NCOR1: variants seen among roughly 807,000 people sequenced by gnomAD.
The protein encoded by NCOR1 is nuclear receptor corepressor 1, also known as protein phosphatase 1, regulatory subunit 109.
NCOR1 carries 63 observed loss-of-function variants against 288.1 expected under a neutral mutation model. The observed-to-expected ratio is 0.22, with a 90% confidence interval of 0.18 to 0.27. The LOEUF (loss-of-function observed/expected upper bound fraction) is 0.27, where lower values mean the gene tolerates loss of function less well. Among genes scored for constraint, NCOR1 ranks in the 10% least tolerant of loss-of-function variants. The probability of loss-of-function intolerance (pLI) is 1.00; values close to 1 mark genes in which losing one functional copy is unlikely to be tolerated. For synonymous variants in NCOR1, 1,007 were observed against 1,065.9 expected (o/e 0.94, Z 1.08); for missense variants, 2,397 against 3,019.2 (o/e 0.79, Z 4.83).
chr17:16,106,498 G>C (rs773729564), intron 19 of NCOR1, among the ~76,000 whole-genome samples: 2 of 151,920 alleles, frequency 1.3e-5, no homozygotes, highest in Non-Finnish European at 2.9e-5. Context: ...AAATTTTGGT[G>C]AAGTTTGGTC....
intron 27 of NCOR1, among the ~76,000 whole-genome samples, chr17:16,074,234 T>C (rs756863784): frequency 2.0e-5 from 3 of 151,874 alleles, no homozygotes; most frequent in East Asian, 3.9e-4. Context: ...AAAGCTAAGG[T>C]AGGGGTTTGC....
intron 3 of NCOR1, among the ~76,000 whole-genome samples, chr17:16,178,300 C>T (rs534415484): frequency 4.6e-5 from 7 of 151,800 alleles, no homozygotes; most frequent in Non-Finnish European, 7.4e-5. Flanking sequence ...GAGATTGAGA[C>T]CATCCTGACT....
intron 23 of NCOR1, 76 bp downstream of exon 23, chr17:16,086,206 C>T: frequency 7.1e-7 from 1 of 1,401,126 alleles, no homozygotes; most frequent in Non-Finnish European, 9.9e-7. Flanking sequence ...TCTGACAAAT[C>T]AGTGCGAGGA....
chr17:16,175,835 A>T (rs1237646225), intron 3 of NCOR1, among the ~76,000 whole-genome samples: 15 of 31,430 alleles, frequency 4.8e-4, no homozygotes, highest in Non-Finnish European at 9.9e-4. Flanking sequence ...TGTCTCTTTT[A>T]AAAAAAAAAA....
Position 16,030,335 on chromosome 17 carries a change from AC to A in NCOR1, c.*1960del, listed in dbSNP as rs1971811548. 4.5e-6 allele frequency: 1 copy of A among 223,160 alleles called. No individual in the cohort carries two copies. The allele number at this position is 223,160 out of a possible 1,614,324, so 13.8% of individuals were successfully genotyped here. On this transcript the variant is annotated 3_prime_UTR_variant, in exon 46 of 46. Coordinates refer to ENST00000268712, the MANE Select transcript of NCOR1 (RefSeq NM_006311.4). ...TGGAAGAAAATCCATGTATAAGTGG[AC>A]CCACACAGTTCAAACCCGTGTTGTT...
intron 3 of NCOR1, among the ~76,000 whole-genome samples, chr17:16,183,746 A>G (rs2086027055): frequency 6.6e-6 from 1 of 152,184 alleles, no homozygotes; most frequent in Non-Finnish European, 1.5e-5. Context: ...CAACCCTAAA[A>G]TTCACATGGA....
intron 18 of NCOR1, among the ~76,000 whole-genome samples, chr17:16,114,154 A>ACAC (rs1311522366): frequency 7.5e-6 from 1 of 133,522 alleles, no homozygotes; most frequent in African/African-American, 2.6e-5. Context: ...AAAAAAAAAA[A>ACAC]AAAAAAAAAA....
At chr17:16,055,665 G>A (rs1187921004) in intron 40 of NCOR1, among the ~76,000 whole-genome samples, 2 of 152,126 alleles carry the variant, frequency 1.3e-5, no homozygotes, top group African/African-American at 4.8e-5. Context: ...ATGTACTCCT[G>A]AACTTAAAAT....
intron 3 of NCOR1, among the ~76,000 whole-genome samples, chr17:16,178,412 T>C (rs1600012791): frequency 1.4e-5 from 2 of 148,116 alleles, no homozygotes; most frequent in East Asian, 2.0e-4. Flanking sequence ...GGCAGGAGAA[T>C]TGCTTGAACC....
At chr17:16,082,505 CA>C (rs2063552569) in intron 23 of NCOR1, among the ~76,000 whole-genome samples, 1 of 151,848 alleles carries the variant, frequency 6.6e-6, no homozygotes, top group Non-Finnish European at 1.5e-5. Context: ...CGCTTGAGGC[CA>C]AGAGTCTGAG....
At chr17:16,134,609 T>C (rs2076120390) in intron 14 of NCOR1, among the ~76,000 whole-genome samples, 7 of 152,074 alleles carry the variant, frequency 4.6e-5, no homozygotes, top group Admixed American at 3.3e-4. Context: ...TGAAACTGTG[T>C]CCCAGACAAC....
intron 1 of NCOR1, among the ~76,000 whole-genome samples, chr17:16,199,782 G>C (rs566761806): frequency 6.6e-6 from 1 of 152,246 alleles, no homozygotes; most frequent in South Asian, 2.1e-4. Flanking sequence ...AAATCTGATC[G>C]AGATTTTATA....
chr17:16,166,689 GAAAA>G lies in NCOR1; in HGVS notation c.436-1532_436-1529del, dbSNP rs144347379. Among the ~76,000 whole-genome samples, 4 of 148,126 alleles carry G rather than the reference GAAAA, an allele frequency of 2.7e-5. No individual in the cohort carries two copies. In the South Asian group the frequency reaches 8.6e-4, roughly 32 times the overall value. ...AGCAAGACTCCATCTCAAAAAAAAA[GAAAA>G]AAAAATCAGATTTGGTGTATAACCA... On this transcript the variant is annotated intron_variant, in intron 4 of 45. Coordinates refer to ENST00000268712, the MANE Select transcript of NCOR1 (RefSeq NM_006311.4).
intron 26 of NCOR1, among the ~76,000 whole-genome samples, chr17:16,077,134 C>T (rs1419009981): frequency 6.6e-6 from 1 of 152,092 alleles, no homozygotes; most frequent in Admixed American, 6.5e-5. Flanking sequence ...TGGTGGCTTG[C>T]GCCTGTAATC....
intron 42 of NCOR1, among the ~76,000 whole-genome samples, chr17:16,045,531 CAG>C (rs1339441530): frequency 5.3e-5 from 8 of 152,112 alleles, no homozygotes; most frequent in Non-Finnish European, 1.0e-4. Context: ...TTTTTTGAGA[CAG>C]AGACTCACTT....
At chr17:16,053,816 A>C (rs891211654) in intron 40 of NCOR1, among the ~76,000 whole-genome samples, 39 of 152,188 alleles carry the variant, frequency 2.6e-4, no homozygotes, top group African/African-American at 9.4e-4. Flanking sequence ...ACAGTAACCA[A>C]AACAGCATTG....
rs992205623 is a variant in NCOR1, at chr17:16,215,510, G to C, written c.-219C>G. The C allele has an allele frequency of 2.5e-6, 1 of 398,734 alleles. No individual in the cohort carries two copies. Among genetic ancestry groups the C allele is most frequent in the Non-Finnish European group, 4.4e-6 (1 of 226,270 alleles). The allele number at this position is 398,734 out of a possible 1,614,324, so 24.7% of individuals were successfully genotyped here. ...CCGCCGCCGCCGCGGCTGCTGCTTCGCCACCTTGGCCGCCATCTTGACTCA... is the reference window on the plus strand; with the variant it reads ...CCGCCGCCGCCGCGGCTGCTGCTTCCCCACCTTGGCCGCCATCTTGACTCA... On this transcript the variant is annotated 5_prime_UTR_variant, in exon 1 of 46. Coordinates refer to ENST00000268712, the MANE Select transcript of NCOR1 (RefSeq NM_006311.4).
In NCOR1 at chr17:16,031,222, GA is replaced by G; in HGVS notation, c.*1073del. ...GTAAATGCTGGTCCATAGTGATGGG[GA>G]AAAAGGACTGTGTTCACCATGAGTT... On this transcript the variant is annotated 3_prime_UTR_variant, in exon 46 of 46. Transcript: ENST00000268712. The G allele has an allele frequency of 1.5e-5, 3 of 200,022 alleles. No individual in the cohort carries two copies. The highest frequency in any genetic ancestry group is 1.5e-4 in the East Asian group (2 of 12,940). The allele number at this position is 200,022 out of a possible 1,614,324, so 12.4% of individuals were successfully genotyped here.
At chr17:16,215,116 A>G (rs904924788) in intron 1 of NCOR1, among the ~76,000 whole-genome samples, 3 of 152,064 alleles carry the variant, frequency 2.0e-5, no homozygotes, top group Non-Finnish European at 4.4e-5. Flanking sequence ...GCCACAGCCC[A>G]TTCTTCCTCC....
Sources: gnomAD v4.1 joint callset for allele counts (sites outside exome capture counted in the v4.1 genomes callset) on GRCh38, gnomAD v4.1.1 for gene constraint, MANE v1.5 for transcripts, NCBI Gene and HGNC (gene_info 2026-07-23, HGNC 2026-07-21) for gene names.